MYPOP: variants seen among roughly 807,000 people sequenced by gnomAD.
The protein encoded by MYPOP is Myb related transcription factor, partner of profilin, also known as myb-related transcription factor, partner of profilin.
A neutral mutation model predicts 25.7 loss-of-function variants in MYPOP; 21 were observed. The ratio of observed to expected loss-of-function variants is 0.82; its 90% CI spans 0.58 to 1.18. MYPOP has a LOEUF of 1.18. MYPOP is among the 50% of genes most tolerant of loss of function. The probability of loss-of-function intolerance (pLI) is 0.00; values close to 1 mark genes in which losing one functional copy is unlikely to be tolerated. For missense variants in MYPOP, 566 were observed against 588.3 expected (o/e 0.96, Z 0.39); for synonymous variants, 280 against 247.9 (o/e 1.13, Z -1.22).
In MYPOP at chr19:45,901,671, G is replaced by T. The variant is rs1358652491; in HGVS notation, c.103C>A (p.His35Asn). The T allele has an allele frequency of 1.2e-5, 20 of 1,608,914 alleles. No individual in the cohort carries two copies. The highest frequency in any genetic ancestry group is 1.7e-5 in the Non-Finnish European group (20 of 1,178,728). Residue 35 changes from histidine (H) to asparagine (N), a missense_variant, in exon 2 of 3, where the codon CAC becomes AAC. His to Asn is a moderately conservative substitution (Grantham distance 68, BLOSUM62 1). Coordinates refer to ENST00000322217, the MANE Select transcript of MYPOP (RefSeq NM_001012643.4). This position sits in a 1 kb window ranked among gnomAD's most constrained non-coding sequence, Gnocchi z 5.7. ...NQILIREVRA[H>N]YPQLYGAQSR... is the part of the protein sequence containing the mutation. ...TGCGCGCCGTAGAGCTGCGGGTAGTGGGCGCGCACCTCGCGGATCAGGATC... is the reference window on the plus strand; with the variant it reads ...TGCGCGCCGTAGAGCTGCGGGTAGTTGGCGCGCACCTCGCGGATCAGGATC...
Position 45,890,710 on chromosome 19 carries a change from G to A in MYPOP, c.1113C>T (p.Ala371=). 1 of 1,578,070 alleles carries A rather than the reference G, an allele frequency of 6.3e-7. No homozygotes were observed. The highest frequency in any genetic ancestry group is 8.6e-7 in the Non-Finnish European group (1 of 1,161,622). ...GGGGGGAGTCGTGCGGAGGGAGCGG[G>A]GCTGGGGGGGGCCGGGGTGCCCCCT... ...SEEGAPRPPP[A]PLPPHDSPPH... is the part of the protein sequence containing the mutation. Residue 371 remains alanine (A), a synonymous_variant, in exon 3 of 3, where the codon GCC becomes GCT. Transcript: ENST00000322217.
chr19:45,893,633 C>T (rs1967157975), intron 2 of MYPOP, among the ~76,000 whole-genome samples: 1 of 148,686 alleles, frequency 6.7e-6, no homozygotes, highest in African/African-American at 2.5e-5. Context: ...CTGCCGGGGG[C>T]TGGGGGAAGA....
At chr19:45,891,729 C>T (rs1176964193) in intron 2 of MYPOP, among the ~76,000 whole-genome samples, 7 of 152,072 alleles carry the variant, frequency 4.6e-5, no homozygotes, top group Admixed American at 3.3e-4. Context: ...TGAGCCACCG[C>T]GCCTGGCCCC....
chr19:45,890,775 C>T lies in MYPOP; in HGVS notation c.1048G>A (p.Val350Met). ...VVAAVVDGAVVAARGVIIAPR... is the reference protein window; with the variant it reads ...VVAAVVDGAVMAARGVIIAPR... ...GCAATGATCACTCCCCTGGCTGCCACCACTGCCCCGTCCACCACAGCAGCC... is the reference window on the plus strand; with the variant it reads ...GCAATGATCACTCCCCTGGCTGCCATCACTGCCCCGTCCACCACAGCAGCC... The change falls in exon 3 of 3, where the codon GTG (valine) becomes ATG (methionine). Residue 350 changes from valine (V) to methionine (M), a missense_variant. Coordinates refer to ENST00000322217, the MANE Select transcript of MYPOP (RefSeq NM_001012643.4). 6.6e-7 allele frequency: 1 copy of T among 1,521,672 alleles called. No homozygotes were observed. 94.3% of individuals were successfully genotyped at this position (1,521,672 alleles called of 1,614,324 possible).
At chr19:45,893,212 T>C (rs1211452322) in intron 2 of MYPOP, among the ~76,000 whole-genome samples, 1 of 150,344 alleles carries the variant, frequency 6.7e-6, no homozygotes, top group Non-Finnish European at 1.5e-5. Flanking sequence ...GAGGCGGAGG[T>C]TGCAGTGAGC....
Position 45,890,959 on chromosome 19 carries a change from G to A in MYPOP, c.864C>T (p.Ser288=), listed in dbSNP as rs1285649982. 60 of 1,478,042 alleles carry A rather than the reference G, an allele frequency of 4.1e-5. No homozygotes were observed. Among genetic ancestry groups the A allele is most frequent in the Non-Finnish European group, 5.1e-5 (57 of 1,111,546 alleles). The allele number at this position is 1,478,042 out of a possible 1,614,324, so 91.6% of individuals were successfully genotyped here. ...GGGGCAGCAGAGCGCTGAGGGCCTCGCTCAGTTTGGCCAGTCCCTGTCGAA... is the reference window on the plus strand; with the variant it reads ...GGGGCAGCAGAGCGCTGAGGGCCTCACTCAGTTTGGCCAGTCCCTGTCGAA... ...GTLRQGLAKL[S]EALSALLPLL... is the part of the protein sequence containing the mutation. The change falls in exon 3 of 3, where the codon AGC becomes AGT. Residue 288 remains serine, a synonymous_variant. Transcript: ENST00000322217.
intron 1 of MYPOP, among the ~76,000 whole-genome samples, chr19:45,902,336 C>T (rs969684017): frequency 3.3e-5 from 5 of 151,692 alleles, no homozygotes; most frequent in African/African-American, 1.2e-4. Flanking sequence ...GAGGGATGTC[C>T]AGGAATAATG....
chr19:45,890,983 A>G lies in MYPOP; in HGVS notation c.840T>C (p.Leu280=), dbSNP rs200497159. 7.6e-4 allele frequency: 1,148 copies of G among 1,505,820 alleles called. 18 individuals carry two copies. The East Asian group carries it at 0.024, about 32-fold the overall frequency. 93.3% of individuals were successfully genotyped at this position (1,505,820 alleles called of 1,614,324 possible). A position where few individuals can be genotyped will look rare whatever the true frequency, so the allele number is the denominator to read the frequency against. Residue 280 remains leucine, a synonymous_variant, in exon 3 of 3, where the codon CTT becomes CTC. Coordinates refer to ENST00000322217, the MANE Select transcript of MYPOP (RefSeq NM_001012643.4). ...ANAIRELAGT[L]RQGLAKLSEA... ...CGCTCAGTTTGGCCAGTCCCTGTCGAAGGGTGCCGGCCAGCTCCCGGATGG... is the reference window on the plus strand; with the variant it reads ...CGCTCAGTTTGGCCAGTCCCTGTCGGAGGGTGCCGGCCAGCTCCCGGATGG...
intron 2 of MYPOP, among the ~76,000 whole-genome samples, chr19:45,892,032 G>A (rs981444121): frequency 6.6e-6 from 1 of 152,026 alleles, no homozygotes; most frequent in Non-Finnish European, 1.5e-5. Flanking sequence ...CGATTATCCT[G>A]CCTCAGCCTC....
chr19:45,897,979 A>G (rs919322513), intron 2 of MYPOP, among the ~76,000 whole-genome samples: 1 of 148,740 alleles, frequency 6.7e-6, no homozygotes, highest in African/African-American at 2.5e-5. Flanking sequence ...GCTGGAGTGC[A>G]GTGGCACAAT....
intron 2 of MYPOP, among the ~76,000 whole-genome samples, chr19:45,893,262 G>A (rs943309895): frequency 2.8e-5 from 4 of 144,236 alleles, no homozygotes; most frequent in East Asian, 2.1e-4. Flanking sequence ...GCAACAGAGC[G>A]AGACTCTGTC....
intron 2 of MYPOP, among the ~76,000 whole-genome samples, chr19:45,900,446 A>ACCCCC (rs1220336076): frequency 1.1e-5 from 1 of 94,718 alleles, no homozygotes. Context: ...GCCCTCCTGG[A>ACCCCC]CCACCCCCCC....
chr19:45,890,719 G>C lies in MYPOP; in HGVS notation c.1104C>G (p.Pro368=). ...APRSEEGAPR[P]PPAPLPPHDS... ...CGTGCGGAGGGAGCGGGGCTGGGGG[G>C]GGCCGGGGTGCCCCCTCCTCGCTCC... is the stretch of plus-strand genomic sequence containing the variant. The change falls in exon 3 of 3, where the codon CCC becomes CCG. Residue 368 remains proline (P), a synonymous_variant. Coordinates refer to ENST00000322217, the MANE Select transcript of MYPOP (RefSeq NM_001012643.4). The C allele has an allele frequency of 1.3e-6, 2 of 1,578,274 alleles. No homozygotes were observed. Among genetic ancestry groups the C allele is most frequent in the Non-Finnish European group, 1.7e-6 (2 of 1,160,116 alleles).
chr19:45,902,512 G>A (rs1021540847), intron 1 of MYPOP, 58 bp downstream of exon 1: 1 of 152,270 alleles, frequency 6.6e-6, no homozygotes, highest in Non-Finnish European at 1.5e-5. Context: ...TACGGGGGAC[G>A]GCAGGGAGAG....
Position 45,890,900 on chromosome 19 carries a change from G to GGA in MYPOP, c.921_922dup (p.Pro308LeufsTer49), listed in dbSNP as rs1259413435. ...TGGGGGTGGGGGTGGGGGCAGAGGT[G>GGA]GAGGCAGGGAGTCAACTGGGGTTCC... On this transcript the variant is annotated frameshift_variant, in exon 3 of 3. Transcript: ENST00000322217. LOFTEE classifies it high-confidence loss of function. The GGA allele has an allele frequency of 7.0e-7, 1 of 1,438,018 alleles. No homozygotes were observed. Among genetic ancestry groups the GGA allele is most frequent in the African/African-American group, 1.4e-5 (1 of 69,654 alleles). 89.1% of individuals were successfully genotyped at this position (1,438,018 alleles called of 1,614,324 possible).
chr19:45,901,324 G>C lies in MYPOP; in HGVS notation c.450C>G (p.Cys150Trp). ...PSSQPPPPSA[C>W]PQRYVLSEDR... ...CTTCCGACAACACGTAGCGCTGAGG[G>C]CAGGCGCTTGGGGGCGGCGGCTGTG... The change falls in exon 2 of 3, where the codon TGC becomes TGG. Residue 150 changes from cysteine to tryptophan, a missense_variant. By Grantham distance (215) the Cys-to-Trp change is radical. Transcript: ENST00000322217. This position sits in a 1 kb window ranked among gnomAD's most constrained non-coding sequence, Gnocchi z 5.7. 3 of 1,459,010 alleles carry C rather than the reference G, an allele frequency of 2.1e-6. No individual in the cohort carries two copies. The highest frequency in any genetic ancestry group is 2.7e-6 in the Non-Finnish European group (3 of 1,106,580). The allele number at this position is 1,459,010 out of a possible 1,614,324, so 90.4% of individuals were successfully genotyped here.
chr19:45,899,312 T>C (rs1600571500), intron 2 of MYPOP, among the ~76,000 whole-genome samples: 1 of 152,352 alleles, frequency 6.6e-6, no homozygotes, highest in East Asian at 1.9e-4. Flanking sequence ...CATTATTCCC[T>C]GCACCTACCA....
chr19:45,901,631 C>T lies in MYPOP; in HGVS notation c.143G>A (p.Ser48Asn). The change falls in exon 2 of 3, where the codon AGC becomes AAC. Residue 48 changes from serine (S) to asparagine (N), a missense_variant. By Grantham distance (46) the Ser-to-Asn change is conservative (BLOSUM62 1). Coordinates refer to ENST00000322217, the MANE Select transcript of MYPOP (RefSeq NM_001012643.4). This position sits in a 1 kb window ranked among gnomAD's most constrained non-coding sequence, Gnocchi z 5.7. ...QLYGAQSRRV[S>N]VAERRRVWDG... ...CCACACGCGCCGCCGCTCTGCCACG[C>T]TCACCCGACGGCTCTGCGCGCCGTA... The T allele has an allele frequency of 6.2e-7, 1 of 1,610,674 alleles. No homozygotes were observed. The highest frequency in any genetic ancestry group is 2.2e-5 in the East Asian group (1 of 44,818).
chr19:45,895,906 T>C (rs562801344), intron 2 of MYPOP, among the ~76,000 whole-genome samples: 1 of 152,062 alleles, frequency 6.6e-6, no homozygotes, highest in Non-Finnish European at 1.5e-5. Flanking sequence ...CTCCTGCTCC[T>C]TGGCCAAATC....
Sources: gnomAD v4.1 joint callset for allele counts (sites outside exome capture counted in the v4.1 genomes callset) on GRCh38, gnomAD v4.1.1 for gene constraint, Gnocchi (gnomAD v3.1) non-coding constraint, MANE v1.5 for transcripts, NCBI Gene and HGNC (gene_info 2026-07-23, HGNC 2026-07-21) for gene names.